The following KLHL1 variants were observed in gnomAD, a reference collection of about 807,000 sequenced individuals.
KLHL1 encodes kelch-like protein 1.
In KLHL1, 47 loss-of-function variants were observed where a neutral mutation model predicts 77.7. The observed-to-expected ratio is 0.60, with a 90% CI of 0.48 to 0.77. The LOEUF (loss-of-function observed/expected upper bound fraction) is 0.77. Ranked by LOEUF, KLHL1 falls within the 30% of genes least tolerant of loss-of-function variation. KLHL1 has a pLI of 0.00. For synonymous variants in KLHL1, 360 were observed against 325.2 expected, an observed-to-expected ratio of 1.11 and a Z score of -1.15; for missense variants, 925 against 910.8, an observed-to-expected ratio of 1.02 and a Z score of -0.20.
chr13:69,753,589 GA>G (rs564781242), intron 7 of KLHL1, among the ~76,000 whole-genome samples: 63 of 152,224 alleles, frequency 4.1e-4, no homozygotes, highest in African/African-American at 1.4e-3. Flanking sequence ...CAATATGACA[GA>G]TAAATCAAAT....
chr13:69,838,361 A>G (rs1879111331), intron 6 of KLHL1, among the ~76,000 whole-genome samples: 1 of 151,810 alleles, frequency 6.6e-6, no homozygotes, highest in East Asian at 1.9e-4. Flanking sequence ...ATTCAGGAAA[A>G]TTAAGACAGA....
At chr13:69,887,878 A>G (rs992806771) in intron 4 of KLHL1, among the ~76,000 whole-genome samples, 4 of 152,118 alleles carry the variant, frequency 2.6e-5, no homozygotes, top group Non-Finnish European at 5.9e-5. Flanking sequence ...AAATTCCTCC[A>G]GCCATTATTC....
rs548717566 is a variant in KLHL1 at position 69,856,877 on chromosome 13, T to C, written c.1228-17715A>G. ...CATTTTATTCCTTACAATTTCATAG[T>C]AATCCTTTTCCCTCCCCAAGATCAT... On this transcript the variant is annotated intron_variant, in intron 5 of 10. Transcript: ENST00000377844. 6.7e-4 allele frequency among the ~76,000 whole-genome samples: 102 copies of C among 152,180 alleles called. 1 individual carries two copies. Among genetic ancestry groups the C allele is most frequent in the African/African-American group, 2.4e-3 (101 of 41,558 alleles).
chr13:70,086,456 C>T (rs1315133955), intron 1 of KLHL1, among the ~76,000 whole-genome samples: 1 of 149,870 alleles, frequency 6.7e-6, no homozygotes, highest in Non-Finnish European at 1.5e-5. Context: ...TGGTGGGCAC[C>T]TGTAATCCCA....
intron 8 of KLHL1, among the ~76,000 whole-genome samples, chr13:69,728,769 C>T (rs1213588124): frequency 6.6e-6 from 1 of 151,424 alleles, no homozygotes; most frequent in Admixed American, 6.6e-5. Context: ...GATTGTGCCA[C>T]TACACTCCAG....
intron 7 of KLHL1, among the ~76,000 whole-genome samples, chr13:69,792,965 G>A (rs1444192726): frequency 6.6e-6 from 1 of 152,012 alleles, no homozygotes; most frequent in East Asian, 1.9e-4. Flanking sequence ...GGTGATGTCT[G>A]CTCATCTCAA....
chr13:70,009,916 T>C lies in KLHL1; in HGVS notation c.498-34114A>G, dbSNP rs551231025. ...AATAATGCTAATCAATAGAAAAAAATCTGGATGAAAGAGAGAAGATACCAT... is the reference window on the plus strand; with the variant it reads ...AATAATGCTAATCAATAGAAAAAAACCTGGATGAAAGAGAGAAGATACCAT... On this transcript the variant is annotated intron_variant, in intron 1 of 10. Transcript: ENST00000377844. Among the ~76,000 whole-genome samples, 13 of 150,464 alleles carry C rather than the reference T, an allele frequency of 8.6e-5. No individual in the cohort carries two copies. The South Asian group carries it at 2.7e-3, about 32-fold the overall frequency.
intron 1 of KLHL1, among the ~76,000 whole-genome samples, chr13:70,015,889 T>C (rs1389917285): frequency 1.3e-5 from 2 of 152,218 alleles, no homozygotes; most frequent in Admixed American, 6.5e-5. Flanking sequence ...CTGAATATAT[T>C]TTTATTCCTT....
At chr13:69,922,944 AAAT>A (rs763715705) in intron 4 of KLHL1, among the ~76,000 whole-genome samples, 22 of 152,234 alleles carry the variant, frequency 1.4e-4, no homozygotes, top group Non-Finnish European at 2.5e-4. Flanking sequence ...AAAAGTGAAT[AAAT>A]AATACATAAA....
At chr13:70,042,242 C>A (rs969756788) in intron 1 of KLHL1, among the ~76,000 whole-genome samples, 1 of 152,034 alleles carries the variant, frequency 6.6e-6, no homozygotes, top group South Asian at 2.1e-4. Context: ...AATACCCTAA[C>A]CAATCTGCCT....
chr13:69,888,909 T>A (rs187572701), intron 4 of KLHL1, among the ~76,000 whole-genome samples: 1 of 152,148 alleles, frequency 6.6e-6, no homozygotes, highest in Admixed American at 6.6e-5. Flanking sequence ...TCTAAGTTAT[T>A]TCTTTTATAG....
rs1209712023 is a variant in KLHL1 at position 69,963,374 on chromosome 13, A to G, written c.681-1930T>C. Among the ~76,000 whole-genome samples, 4 of 152,144 alleles carry G rather than the reference A, an allele frequency of 2.6e-5. 1 individual carries two copies. The highest frequency in any genetic ancestry group is 2.6e-4 in the Admixed American group (4 of 15,262). On this transcript the variant is annotated intron_variant, in intron 2 of 10. Coordinates refer to ENST00000377844, the MANE Select transcript of KLHL1 (RefSeq NM_020866.3). ...TTTCATATCATTCATTATATTGACT[A>G]CATGTTTTTCACATGTGTGTATGCA... is the stretch of plus-strand genomic sequence containing the variant.
intron 4 of KLHL1, among the ~76,000 whole-genome samples, chr13:69,890,256 G>A (rs1489760923): frequency 6.6e-6 from 1 of 151,914 alleles, no homozygotes; most frequent in Non-Finnish European, 1.5e-5. Flanking sequence ...GAAAATGTTT[G>A]TAATAGATCA....
intron 4 of KLHL1, among the ~76,000 whole-genome samples, chr13:69,906,142 T>A (rs1430427725): frequency 6.6e-6 from 1 of 152,096 alleles, no homozygotes; most frequent in Non-Finnish European, 1.5e-5. Context: ...TGAGAACTAT[T>A]CACTTATTAA....
At chr13:70,007,441 T>C (rs907316189) in intron 1 of KLHL1, among the ~76,000 whole-genome samples, 39 of 148,364 alleles carry the variant, frequency 2.6e-4, no homozygotes, top group African/African-American at 8.2e-4. Context: ...CAATATTTCA[T>C]CTCAAAAAAA....
intron 3 of KLHL1, among the ~76,000 whole-genome samples, chr13:69,952,952 A>C (rs986322245): frequency 1.2e-4 from 18 of 151,402 alleles, no homozygotes; most frequent in African/African-American, 4.1e-4. Context: ...ACAAATAGTC[A>C]AAACTGAAGT....
chr13:69,785,696 T>C (rs1328027697), intron 7 of KLHL1, among the ~76,000 whole-genome samples: 1 of 151,074 alleles, frequency 6.6e-6, no homozygotes, highest in Non-Finnish European at 1.5e-5. Flanking sequence ...AAAAAACCCT[T>C]CAAAAAATTA....
At chr13:69,886,481 A>G (rs939353669) in intron 4 of KLHL1, among the ~76,000 whole-genome samples, 7 of 151,400 alleles carry the variant, frequency 4.6e-5, no homozygotes, top group Non-Finnish European at 8.8e-5. Context: ...TCCCACATTA[A>G]TTATTGTTAA....
At chr13:69,905,479 A>G (rs1204494926) in intron 4 of KLHL1, among the ~76,000 whole-genome samples, 1 of 152,038 alleles carries the variant, frequency 6.6e-6, no homozygotes, top group Non-Finnish European at 1.5e-5. Flanking sequence ...GCCCCTTTTC[A>G]TGAATTAAAT....
Sources: allele counts gnomAD v4.1 joint callset (sites outside exome capture counted in the v4.1 genomes callset), GRCh38; gene constraint gnomAD v4.1.1; transcripts MANE v1.5; gene names NCBI Gene and HGNC (gene_info 2026-07-23, HGNC 2026-07-21).